DNER: variants seen among roughly 807,000 people sequenced by gnomAD.
DNER encodes the protein delta/notch like EGF repeat containing, also known as delta and Notch-like epidermal growth factor-related receptor.
DNER carries 33 observed loss-of-function variants against 78.2 expected under a neutral mutation model. The observed-to-expected ratio is 0.42, with a 90% CI of 0.32 to 0.56. The LOEUF (loss-of-function observed/expected upper bound fraction) is 0.56. Among genes scored for constraint, DNER ranks in the 20% least tolerant of loss-of-function variants. The pLI, the probability that DNER is intolerant of heterozygous loss-of-function variation, is 0.11. For synonymous variants in DNER, 417 were observed against 384.8 expected, an observed-to-expected ratio of 1.08 and a Z score of -0.98; for missense variants, 918 against 975.3, an observed-to-expected ratio of 0.94 and a Z score of 0.78.
In DNER at chr2:229,483,160, C is replaced by A. The variant is rs374770002; in HGVS notation, c.1148-5907G>T. On this transcript the variant is annotated intron_variant, in intron 6 of 12. Transcript: ENST00000341772. ...TCCCACTGATATGAGAAGAATCACC[C>A]TGGATGCCCAGGACTCCTGAGACAG... is the stretch of plus-strand genomic sequence containing the variant. Among the ~76,000 whole-genome samples the A allele has an allele frequency of 4.6e-5, 7 of 152,262 alleles. No individual in the cohort carries two copies. In the East Asian group the frequency reaches 7.7e-4, roughly 17 times the overall value.
At chr2:229,419,871 A>G (rs1053493613) in intron 8 of DNER, among the ~76,000 whole-genome samples, 2 of 149,642 alleles carry the variant, frequency 1.3e-5, no homozygotes, top group Non-Finnish European at 3.0e-5. Context: ...ATGTTTGGAG[A>G]CATTTTTCGT....
chr2:229,425,800 C>G lies in DNER; in HGVS notation c.1487-7570G>C, dbSNP rs150175870. Among the ~76,000 whole-genome samples, 1,134 of 152,292 alleles carry G rather than the reference C, an allele frequency of 7.4e-3. 5 individuals are homozygous for G. Among genetic ancestry groups the G allele is most frequent in the Non-Finnish European group, 0.011 (769 of 68,034 alleles). ...TCATCTGTCAGTATCACCTCTGGAG[C>G]GTGATTTGTGCTTCCTGCTGCCTCA... On this transcript the variant is annotated intron_variant, in intron 8 of 12. Transcript: ENST00000341772.
At chr2:229,661,782 G>C (rs544140795) in intron 1 of DNER, among the ~76,000 whole-genome samples, 73 of 152,280 alleles carry the variant, frequency 4.8e-4, no homozygotes, top group Non-Finnish European at 9.6e-4. Context: ...TTGACATGAA[G>C]CATTCAGACA....
chr2:229,393,938 A>C (rs899084690), intron 10 of DNER, among the ~76,000 whole-genome samples: 5 of 152,242 alleles, frequency 3.3e-5, no homozygotes, highest in African/African-American at 1.2e-4. Flanking sequence ...AGATGTACTC[A>C]GAATCCTAGA....
At chr2:229,509,421 A>G (rs552983683) in intron 6 of DNER, among the ~76,000 whole-genome samples, 5 of 152,372 alleles carry the variant, frequency 3.3e-5, no homozygotes, top group Admixed American at 1.3e-4. Context: ...TCATCAACAC[A>G]TTGACTGAGT....
At chr2:229,541,320 TAGA>T (rs1010632845) in intron 5 of DNER, among the ~76,000 whole-genome samples, 7 of 151,988 alleles carry the variant, frequency 4.6e-5, no homozygotes, top group African/African-American at 7.2e-5. Flanking sequence ...AATAGGGAAT[TAGA>T]AGAAGAAGAG....
intron 10 of DNER, among the ~76,000 whole-genome samples, chr2:229,393,678 T>C (rs1400405557): frequency 6.6e-6 from 1 of 151,982 alleles, no homozygotes; most frequent in Non-Finnish European, 1.5e-5. Flanking sequence ...AAACCCCGTC[T>C]CTACTAAAAA....
chr2:229,629,465 C>T (rs910043311), intron 1 of DNER, among the ~76,000 whole-genome samples: 25 of 152,168 alleles, frequency 1.6e-4, no homozygotes, highest in Admixed American at 9.2e-4. Context: ...GAAATGGTAA[C>T]GAGAGCTTTC....
At chr2:229,654,769 A>G (rs1698885469) in intron 1 of DNER, among the ~76,000 whole-genome samples, 1 of 152,160 alleles carries the variant, frequency 6.6e-6, no homozygotes, top group African/African-American at 2.4e-5. Context: ...TTTCCTGGCC[A>G]AATCAGAATG....
At chr2:229,531,692 A>G (rs1409839684) in intron 5 of DNER, among the ~76,000 whole-genome samples, 1 of 152,238 alleles carries the variant, frequency 6.6e-6, no homozygotes, top group Non-Finnish European at 1.5e-5. Flanking sequence ...ACAAGGACTT[A>G]AACAAATACT....
chr2:229,610,210 C>T (rs1231910936), intron 1 of DNER, among the ~76,000 whole-genome samples: 1 of 152,122 alleles, frequency 6.6e-6, no homozygotes, highest in Non-Finnish European at 1.5e-5. Flanking sequence ...GGATGAGTGT[C>T]CTTTATCAAT....
intron 1 of DNER, among the ~76,000 whole-genome samples, chr2:229,672,999 A>G (rs1018254942): frequency 6.6e-6 from 1 of 152,216 alleles, no homozygotes; most frequent in African/African-American, 2.4e-5. Flanking sequence ...GCTCTCAGGA[A>G]GCACATGTTC....
chr2:229,407,349 CA>C lies in DNER; in HGVS notation c.1610-5del. The C allele has an allele frequency of 6.2e-7, 1 of 1,611,114 alleles. No individual in the cohort carries two copies. The highest frequency in any genetic ancestry group is 8.5e-7 in the Non-Finnish European group (1 of 1,177,642). On this transcript the variant is annotated splice_polypyrimidine_tract_variant and splice_region_variant and intron_variant, in intron 9 of 12. Transcript: ENST00000341772. The stretch of plus-strand genomic sequence containing the variant: ...TTGTACAATTCACAGTGTGTTCCTG[CA>C]GAGAAACAAGCAAAACAGGATGACT...
At chr2:229,535,024 C>A (rs76686348) in intron 5 of DNER, among the ~76,000 whole-genome samples, 4 of 151,918 alleles carry the variant, frequency 2.6e-5, no homozygotes, top group Non-Finnish European at 1.5e-5. Flanking sequence ...TTAGTAGAGA[C>A]GGGGTTTCAC....
intron 5 of DNER, among the ~76,000 whole-genome samples, chr2:229,528,304 A>G (rs1046517522): frequency 2.0e-5 from 3 of 152,222 alleles, no homozygotes; most frequent in Non-Finnish European, 2.9e-5. Context: ...GAGGCAACTG[A>G]TGGCTTCTTT....
intron 1 of DNER, among the ~76,000 whole-genome samples, chr2:229,676,984 C>T (rs2154216982): frequency 6.6e-6 from 1 of 152,302 alleles, no homozygotes; most frequent in Non-Finnish European, 1.5e-5. Flanking sequence ...GATGCCGGCT[C>T]ACTTAGTATG....
chr2:229,566,930 G>A (rs1478037143), intron 4 of DNER, among the ~76,000 whole-genome samples: 3 of 152,112 alleles, frequency 2.0e-5, no homozygotes, highest in African/African-American at 7.2e-5. Flanking sequence ...CCTCCTCATT[G>A]TCACTAGGAT....
At chr2:229,642,257 T>A (rs1237250487) in intron 1 of DNER, among the ~76,000 whole-genome samples, 1 of 152,202 alleles carries the variant, frequency 6.6e-6, no homozygotes, top group East Asian at 1.9e-4. Flanking sequence ...TTCTCTAAAT[T>A]CTGCTTTTTC....
intron 10 of DNER, among the ~76,000 whole-genome samples, chr2:229,406,964 T>G (rs1693401297): frequency 6.6e-6 from 1 of 152,216 alleles, no homozygotes; most frequent in African/African-American, 2.4e-5. Context: ...TTTCTCATGT[T>G]TCATAGTCCT....
Sources: allele counts gnomAD v4.1 joint callset (sites outside exome capture counted in the v4.1 genomes callset), GRCh38; gene constraint gnomAD v4.1.1; transcripts MANE v1.5; gene names NCBI Gene and HGNC (gene_info 2026-07-23, HGNC 2026-07-21).